The following BRAF variants were observed in gnomAD, a reference collection of about 807,000 sequenced individuals.
BRAF encodes serine/threonine-protein kinase B-raf.
In BRAF, 16 loss-of-function variants were observed where a neutral mutation model predicts 104.6. The ratio of observed to expected loss-of-function variants is 0.15; its 90% confidence interval spans 0.10 to 0.23. The LOEUF (loss-of-function observed/expected upper bound fraction) is 0.23. Among genes scored for constraint, BRAF ranks in the 10% least tolerant of loss-of-function variants. The probability of loss-of-function intolerance (pLI) is 1.00; values close to 1 mark genes in which losing one functional copy is unlikely to be tolerated. For missense variants in BRAF, 541 were observed against 937.3 expected (o/e 0.58, Z 5.52); for synonymous variants, 310 against 341.6 (o/e 0.91, Z 1.02).
intron 1 of BRAF, among the ~76,000 whole-genome samples, chr7:140,856,678 A>C (rs912786715): frequency 1.3e-5 from 2 of 152,212 alleles, no homozygotes; most frequent in African/African-American, 4.8e-5. Context: ...GCAGAGATAA[A>C]TGAATGGAAA....
At chr7:140,746,833 A>G (rs76821970) in intron 17 of BRAF, among the ~76,000 whole-genome samples, 1 of 131,446 alleles carries the variant, frequency 7.6e-6, no homozygotes, top group Non-Finnish European at 1.7e-5. Flanking sequence ...CCGTCTTGGA[A>G]AAAAAAAAAA....
chr7:140,814,330 C>G (rs1462603441), intron 3 of BRAF, among the ~76,000 whole-genome samples: 1 of 152,126 alleles, frequency 6.6e-6, no homozygotes, highest in Admixed American at 6.6e-5. Flanking sequence ...AATGAGCTCA[C>G]AATGATTCAT....
intron 19 of BRAF, among the ~76,000 whole-genome samples, chr7:140,727,813 G>A (rs971361128): frequency 6.6e-6 from 1 of 151,930 alleles, no homozygotes; most frequent in African/African-American, 2.4e-5. Flanking sequence ...AGTAGAGACA[G>A]GGTTTCACTG....
intron 1 of BRAF, among the ~76,000 whole-genome samples, chr7:140,882,473 G>A (rs1281370527): frequency 6.6e-6 from 1 of 151,496 alleles, no homozygotes. Flanking sequence ...CCTCCCGGGG[G>A]TTCAAGCAAT....
chr7:140,756,483 T>C (rs925152275), intron 14 of BRAF, among the ~76,000 whole-genome samples: 1 of 151,764 alleles, frequency 6.6e-6, no homozygotes, highest in African/African-American at 2.4e-5. Context: ...AATAATTCTA[T>C]ATAGGGGGAC....
chr7:140,782,558 T>C (rs915030419), intron 11 of BRAF, among the ~76,000 whole-genome samples: 13 of 152,064 alleles, frequency 8.5e-5, no homozygotes, highest in Non-Finnish European at 1.5e-4. Flanking sequence ...CTAAACAGTA[T>C]TCGTTTTTTA....
chr7:140,872,182 TC>T (rs1373578717), intron 1 of BRAF, among the ~76,000 whole-genome samples: 3 of 151,586 alleles, frequency 2.0e-5, no homozygotes, highest in African/African-American at 7.3e-5. Context: ...ACCATTGCAC[TC>T]CAGCCTGGGC....
chr7:140,824,869 C>T (rs887270185), intron 3 of BRAF, among the ~76,000 whole-genome samples: 12 of 152,070 alleles, frequency 7.9e-5, no homozygotes, highest in Non-Finnish European at 1.8e-4. Flanking sequence ...TTTGCATTTT[C>T]CTAATGACTA....
chr7:140,716,316 T>A (rs1388280881), downstream of BRAF, among the ~76,000 whole-genome samples: 1 of 152,198 alleles, frequency 6.6e-6, no homozygotes, highest in East Asian at 1.9e-4. Flanking sequence ...ATAACTTTGA[T>A]CTGTACCTTA....
At chr7:140,764,671 C>T (rs752757193) in intron 14 of BRAF, among the ~76,000 whole-genome samples, 1 of 152,120 alleles carries the variant, frequency 6.6e-6, no homozygotes, top group Non-Finnish European at 1.5e-5. Flanking sequence ...AACAGAGAGC[C>T]AAATCATGAG....
chr7:140,765,144 A>G (rs919730855), intron 14 of BRAF, among the ~76,000 whole-genome samples: 2 of 152,114 alleles, frequency 1.3e-5, no homozygotes, highest in African/African-American at 4.8e-5. Flanking sequence ...AAATAACGCC[A>G]CATATCTACA....
chr7:140,805,908 A>T (rs1803613483), intron 5 of BRAF, among the ~76,000 whole-genome samples: 1 of 152,210 alleles, frequency 6.6e-6, no homozygotes, highest in Non-Finnish European at 1.5e-5. Flanking sequence ...TATGGCACTC[A>T]GAGCAATCAT....
At chr7:140,820,734 G>A (rs1050290137) in intron 3 of BRAF, among the ~76,000 whole-genome samples, 2 of 152,052 alleles carry the variant, frequency 1.3e-5, no homozygotes, top group Non-Finnish European at 2.9e-5. Flanking sequence ...GAGCCCAAGA[G>A]TTTGAGACCA....
intron 1 of BRAF, among the ~76,000 whole-genome samples, chr7:140,893,329 A>C (rs1032679349): frequency 1.3e-5 from 2 of 150,938 alleles, no homozygotes; most frequent in African/African-American, 2.4e-5. Flanking sequence ...AGCTCACTGC[A>C]AGCTCTGCCC....
chr7:140,769,130 G>A (rs929174949), intron 14 of BRAF, among the ~76,000 whole-genome samples: 1 of 148,822 alleles, frequency 6.7e-6, no homozygotes, highest in African/African-American at 2.5e-5. Flanking sequence ...AGGCTGGAGT[G>A]CAGTGGTGCC....
At chr7:140,820,569 T>C (rs1261921232) in intron 3 of BRAF, among the ~76,000 whole-genome samples, 2 of 152,144 alleles carry the variant, frequency 1.3e-5, no homozygotes, top group Non-Finnish European at 2.9e-5. Flanking sequence ...AAGTAAAAGG[T>C]CAGTCCCTTT....
intron 2 of BRAF, among the ~76,000 whole-genome samples, chr7:140,845,248 A>G (rs1179034899): frequency 6.6e-6 from 1 of 152,202 alleles, no homozygotes; most frequent in Non-Finnish European, 1.5e-5. Flanking sequence ...AATTAACTCA[A>G]AATGGATCAA....
intron 1 of BRAF, among the ~76,000 whole-genome samples, chr7:140,898,048 T>G (rs1434079868): frequency 6.6e-6 from 1 of 152,020 alleles, no homozygotes; most frequent in Non-Finnish European, 1.5e-5. Context: ...ATTTTTTCTT[T>G]TTCAAATTAG....
intron 1 of BRAF, among the ~76,000 whole-genome samples, chr7:140,900,237 A>G (rs1815446731): frequency 6.6e-6 from 1 of 152,268 alleles, no homozygotes; most frequent in Non-Finnish European, 1.5e-5. Flanking sequence ...AATGGGGCTT[A>G]ATGAAAAAAG....
Sources: gnomAD v4.1 joint callset for allele counts (sites outside exome capture counted in the v4.1 genomes callset) on GRCh38, gnomAD v4.1.1 for gene constraint, MANE v1.5 for transcripts, NCBI Gene and HGNC (gene_info 2026-07-23, HGNC 2026-07-21) for gene names.